The following GALNT13 variants were observed in gnomAD, a reference collection of about 807,000 sequenced individuals.
GALNT13 encodes the protein polypeptide N-acetylgalactosaminyltransferase 13, also known as UDP-GalNAc:polypeptide N-acetylgalactosaminyltransferase 13.
In GALNT13, 28 loss-of-function variants were observed where a neutral mutation model predicts 64.2. The observed-to-expected ratio is 0.44, with a 90% CI of 0.32 to 0.60. GALNT13 has a LOEUF of 0.60. GALNT13 is among the 20% of genes least tolerant of loss of function. GALNT13 has a pLI of 0.05. For synonymous variants in GALNT13, 214 were observed against 224.6 expected, an observed-to-expected ratio of 0.95 and a Z score of 0.42; for missense variants, 577 against 669.8, an observed-to-expected ratio of 0.86 and a Z score of 1.53.
At chr2:153,984,994 A>G (rs1448710948) in intron 3 of GALNT13, among the ~76,000 whole-genome samples, 1 of 151,870 alleles carries the variant, frequency 6.6e-6, no homozygotes, top group African/African-American at 2.4e-5. Flanking sequence ...TGATGTTTTC[A>G]TTTGAGGAAG....
At chr2:153,073,304 C>T in the GALNT13 span, among the ~76,000 whole-genome samples, 3 of 151,600 alleles carry the variant, frequency 2.0e-5, no homozygotes, top group Non-Finnish European at 4.4e-5. Flanking sequence ...AAATAAATAT[C>T]TATTTATTTT....
At chr2:153,940,186 G>A (rs1183106116) in intron 2 of GALNT13, among the ~76,000 whole-genome samples, 1 of 151,166 alleles carries the variant, frequency 6.6e-6, no homozygotes, top group African/African-American at 2.4e-5. Context: ...AACCTTTAGT[G>A]TGATGTGGTT....
At chr2:154,003,385 G>T (rs186714809) in intron 3 of GALNT13, among the ~76,000 whole-genome samples, 1 of 152,108 alleles carries the variant, frequency 6.6e-6, no homozygotes, top group African/African-American at 2.4e-5. Context: ...CTTGGGAGAC[G>T]TGGGCGTTTA....
At chr2:153,919,527 G>A (rs990983909) in intron 2 of GALNT13, among the ~76,000 whole-genome samples, 8 of 151,840 alleles carry the variant, frequency 5.3e-5, no homozygotes, top group Non-Finnish European at 1.0e-4. Context: ...TCTTGAGCAG[G>A]CCTTTGATTT....
rs188127965 is a variant in GALNT13, at chr2:153,905,325, G to C, written c.-105+4318G>C. ...CTGGGGACACATTCCAAGATCCCCA[G>C]TGGATGCCTGAAACTGCAAATAGTA... On this transcript the variant is annotated intron_variant, in intron 2 of 12. Transcript: ENST00000392825. Among the ~76,000 whole-genome samples the C allele has an allele frequency of 1.4e-4, 21 of 152,038 alleles. No homozygotes were observed. In the East Asian group the frequency reaches 4.0e-3, roughly 29 times the overall value.
chr2:153,794,393 A>T, the GALNT13 span, among the ~76,000 whole-genome samples: 2 of 152,126 alleles, frequency 1.3e-5, no homozygotes, highest in Non-Finnish European at 1.5e-5. Context: ...TATTCAGAAA[A>T]ATGTACAGCA....
chr2:153,156,259 C>G, the GALNT13 span, among the ~76,000 whole-genome samples: 757 of 152,238 alleles, frequency 5.0e-3, 6 homozygotes, highest in African/African-American at 0.018. Context: ...TCAGTTGATG[C>G]GGCCACAGCA....
At chr2:154,270,818 A>G (rs1691312848) in intron 8 of GALNT13, among the ~76,000 whole-genome samples, 1 of 151,898 alleles carries the variant, frequency 6.6e-6, no homozygotes, top group Non-Finnish European at 1.5e-5. Flanking sequence ...ATGCCTTTAA[A>G]TGGATAGTGG....
At chr2:154,426,294 A>ATGG (rs1267175500) in intron 11 of GALNT13, among the ~76,000 whole-genome samples, 1 of 152,166 alleles carries the variant, frequency 6.6e-6, no homozygotes, top group Non-Finnish European at 1.5e-5. Context: ...TCTCCAAATC[A>ATGG]TGGCAGTTTT....
the GALNT13 span, among the ~76,000 whole-genome samples, chr2:153,507,309 G>A: frequency 6.6e-6 from 1 of 151,844 alleles, no homozygotes; most frequent in African/African-American, 2.4e-5. Flanking sequence ...TGGAGATGGA[G>A]TCTCACTCTG....
chr2:153,821,168 A>G, the GALNT13 span, among the ~76,000 whole-genome samples: 5 of 152,202 alleles, frequency 3.3e-5, no homozygotes, highest in Non-Finnish European at 2.9e-5. Flanking sequence ...CCCTACTGCC[A>G]GCATTAGACA....
intron 3 of GALNT13, among the ~76,000 whole-genome samples, chr2:154,054,973 T>G (rs574410099): frequency 6.6e-6 from 1 of 152,060 alleles, no homozygotes; most frequent in Non-Finnish European, 1.5e-5. Flanking sequence ...ATGGGACTTT[T>G]TTTTTAGGTG....
the GALNT13 span, among the ~76,000 whole-genome samples, chr2:153,319,920 CAT>C: frequency 1.3e-5 from 2 of 152,086 alleles, no homozygotes; most frequent in African/African-American, 4.8e-5. Context: ...AAATACTGGC[CAT>C]TTTAGTGGAA....
chr2:153,964,661 A>C (rs542405936), intron 3 of GALNT13, among the ~76,000 whole-genome samples: 1 of 152,094 alleles, frequency 6.6e-6, no homozygotes, highest in African/African-American at 2.4e-5. Context: ...TTGAAGGATA[A>C]TGAAAAATAT....
At chr2:153,953,558 T>G (rs1010201759) in intron 3 of GALNT13, among the ~76,000 whole-genome samples, 1 of 152,176 alleles carries the variant, frequency 6.6e-6, no homozygotes, top group Non-Finnish European at 1.5e-5. Flanking sequence ...ACAAAATGAT[T>G]CTGTCATCAG....
intron 8 of GALNT13, among the ~76,000 whole-genome samples, chr2:154,262,916 G>A (rs1400869405): frequency 1.3e-5 from 2 of 152,050 alleles, no homozygotes; most frequent in East Asian, 3.9e-4. Context: ...CCATCAAAAA[G>A]TATCCTCTAT....
the GALNT13 span, among the ~76,000 whole-genome samples, chr2:153,615,210 C>CT: frequency 6.6e-6 from 1 of 151,956 alleles, no homozygotes; most frequent in East Asian, 1.9e-4. Context: ...GGATCTTATT[C>CT]TTTTTTATGG....
chr2:153,835,751 T>C, the GALNT13 span, among the ~76,000 whole-genome samples: 1 of 152,082 alleles, frequency 6.6e-6, no homozygotes, highest in Non-Finnish European at 1.5e-5. Context: ...TCCTGTCATA[T>C]TAAAATACTT....
chr2:153,772,225 C>T, the GALNT13 span, among the ~76,000 whole-genome samples: 1 of 152,184 alleles, frequency 6.6e-6, no homozygotes, highest in Non-Finnish European at 1.5e-5. Flanking sequence ...TCCAGGTCAC[C>T]AAACAACGAC....
Sources: gnomAD v4.1 joint callset for allele counts (sites outside exome capture counted in the v4.1 genomes callset) on GRCh38, gnomAD v4.1.1 for gene constraint, MANE v1.5 for transcripts, NCBI Gene and HGNC (gene_info 2026-07-23, HGNC 2026-07-21) for gene names.